The following CABIN1 variants were observed in gnomAD, a reference collection of about 807,000 sequenced individuals.
CABIN1 encodes calcineurin binding protein 1.
Under a neutral mutation model 227.7 loss-of-function variants are expected in CABIN1, and 133 were observed. The observed-to-expected ratio is 0.58, with a 90% confidence interval of 0.51 to 0.67. CABIN1 has a LOEUF of 0.67. Among genes scored for constraint, CABIN1 ranks in the 30% least tolerant of loss-of-function variants. The pLI, the probability that CABIN1 is intolerant of heterozygous loss-of-function variation, is 0.00. For missense variants in CABIN1, 2,408 were observed against 2,852.5 expected, an observed-to-expected ratio of 0.84 and a Z score of 3.55; for synonymous variants, 1,086 against 1,155.1, an observed-to-expected ratio of 0.94 and a Z score of 1.21.
intron 26 of CABIN1, among the ~76,000 whole-genome samples, chr22:24,101,115 C>G (rs1350375975): frequency 4.6e-5 from 7 of 152,130 alleles, no homozygotes; most frequent in Non-Finnish European, 5.9e-5. Context: ...GTTTCCTACC[C>G]CCACAGAACA....
intron 4 of CABIN1, among the ~76,000 whole-genome samples, chr22:24,040,793 A>T (rs937272833): frequency 1.3e-5 from 2 of 152,172 alleles, no homozygotes; most frequent in African/African-American, 2.4e-5. Context: ...TTTGTCTTTT[A>T]TCTTATACCT....
chr22:24,083,232 G>A lies in CABIN1; in HGVS notation c.2753G>A (p.Arg918Gln), dbSNP rs1304519638. 11 of 1,612,230 alleles carry A rather than the reference G, an allele frequency of 6.8e-6. No individual in the cohort carries two copies. In the East Asian group the frequency reaches 8.9e-5, roughly 13 times the overall value. Residue 918 changes from arginine (R) to glutamine (Q), a missense_variant, in exon 20 of 37, where the codon CGA (arginine) becomes CAA (glutamine). Arg to Gln is a conservative substitution (Grantham distance 43). Around this residue, in one of 3 missense-constraint regions of CABIN1, gnomAD observed 1,045 missense variants for 1,168.4 expected, o/e 0.89. Transcript: ENST00000263119. ...CATCTCTTCTGCCCACCACAGGTGC[G>A]AGTACTCCAGAAGGAACTGGCTGCA... is the stretch of plus-strand genomic sequence containing the variant. ...SDGALLRFYV[R>Q]VLQKELAAST...
Position 24,166,992 on chromosome 22 carries a change from C to T in CABIN1, c.5361C>T (p.Asp1787=), listed in dbSNP as rs2046486032. ...PPLLPGRPAR[D]RGPESRPTEL... is the part of the protein sequence containing the mutation. Reference sequence around the variant, plus strand: ...TGCTGCCAGGTCGCCCCGCAAGGGACCGGGGCCCCGAGAGCCGGCCCACTG... The same window carrying T: ...TGCTGCCAGGTCGCCCCGCAAGGGATCGGGGCCCCGAGAGCCGGCCCACTG... The change falls in exon 32 of 37, where the codon GAC becomes GAT. Residue 1787 remains aspartate (D), a synonymous_variant. Coordinates refer to ENST00000263119, the MANE Select transcript of CABIN1 (RefSeq NM_012295.4). 4.1e-5 allele frequency: 64 copies of T among 1,571,080 alleles called. No homozygotes were observed. Among genetic ancestry groups the T allele is most frequent in the Non-Finnish European group, 5.3e-5 (61 of 1,159,028 alleles).
intron 1 of CABIN1, among the ~76,000 whole-genome samples, chr22:24,023,809 C>T (rs1439507237): frequency 1.3e-5 from 2 of 151,642 alleles, no homozygotes; most frequent in African/African-American, 4.8e-5. Context: ...TTTTGGCTCA[C>T]TGCAAACTCT....
At chr22:24,164,283 T>TGG in intron 29 of CABIN1, 117 bp from the exon 30 acceptor site, 1 of 1,295,750 alleles carries the variant, frequency 7.7e-7, no homozygotes, top group Admixed American at 1.7e-5. Context: ...AAGAAGCCCC[T>TGG]GGCTGGGCAG....
intron 1 of CABIN1, among the ~76,000 whole-genome samples, chr22:24,025,689 G>GT (rs1204377424): frequency 6.6e-6 from 1 of 152,162 alleles, no homozygotes; most frequent in Non-Finnish European, 1.5e-5. Context: ...GTTTTGCTTT[G>GT]TTTGAGACAG....
intron 33 of CABIN1, among the ~76,000 whole-genome samples, chr22:24,169,830 G>A (rs1569318102): frequency 6.6e-6 from 1 of 152,250 alleles, no homozygotes; most frequent in Non-Finnish European, 1.5e-5. Context: ...ACTGTAGCGT[G>A]AGAAGAAAGG....
chr22:24,119,790 C>G, intron 28 of CABIN1, 92 bp downstream of exon 28: 1 of 1,219,332 alleles, frequency 8.2e-7, no homozygotes. Context: ...CAGATTGGAG[C>G]TTCACGGTAG....
chr22:24,061,712 C>G (rs563364331), intron 12 of CABIN1, among the ~76,000 whole-genome samples: 2 of 152,370 alleles, frequency 1.3e-5, no homozygotes, highest in Admixed American at 1.3e-4. Flanking sequence ...AGGACAAGAA[C>G]TCTGAAGACC....
intron 26 of CABIN1, among the ~76,000 whole-genome samples, chr22:24,105,481 A>G (rs951692928): frequency 6.6e-6 from 1 of 152,222 alleles, no homozygotes; most frequent in Non-Finnish European, 1.5e-5. Context: ...AAAAAGAGCA[A>G]GGCCAACCTA....
At chr22:24,082,984 C>T (rs1159120491) in intron 19 of CABIN1, among the ~76,000 whole-genome samples, 1 of 152,188 alleles carries the variant, frequency 6.6e-6, no homozygotes, top group African/African-American at 2.4e-5. Flanking sequence ...AGAAAGGCAG[C>T]TTGGTAAACC....
At chr22:24,045,188 TGCTG>T (rs2037762257) in intron 6 of CABIN1, among the ~76,000 whole-genome samples, 1 of 152,262 alleles carries the variant, frequency 6.6e-6, no homozygotes, top group Non-Finnish European at 1.5e-5. Flanking sequence ...CCTCCCAAAG[TGCTG>T]GGCTTATAGG....
chr22:24,134,446 C>T (rs768109672), intron 29 of CABIN1, 31 bp downstream of exon 29: 2 of 1,559,196 alleles, frequency 1.3e-6, no homozygotes, highest in Non-Finnish European at 1.8e-6. Context: ...ATTTCCAAGG[C>T]TGTTTGTTGC....
chr22:24,129,769 G>C (rs983898538), intron 28 of CABIN1, among the ~76,000 whole-genome samples: 2 of 152,184 alleles, frequency 1.3e-5, no homozygotes, highest in African/African-American at 4.8e-5. Context: ...GCATCAGGGG[G>C]AAAGGTGAGG....
At chr22:24,126,747 C>T (rs2043749059) in intron 28 of CABIN1, among the ~76,000 whole-genome samples, 1 of 152,138 alleles carries the variant, frequency 6.6e-6, no homozygotes, top group Non-Finnish European at 1.5e-5. Flanking sequence ...GCCTGTAATC[C>T]CAGCTCTTTG....
intron 13 of CABIN1, among the ~76,000 whole-genome samples, chr22:24,062,346 A>AT (rs35757164): frequency 0.017 from 1,621 of 96,534 alleles, 174 homozygotes; most frequent in African/African-American, 0.042. Flanking sequence ...GGTGATACGG[A>AT]TTTTTTTTTT....
chr22:24,095,790 G>A, intron 24 of CABIN1, 141 bp from the exon 25 acceptor site: 1 of 878,440 alleles, frequency 1.1e-6, no homozygotes, highest in South Asian at 1.3e-5. Flanking sequence ...AGGATGGTTG[G>A]TTTAAAAGCT....
intron 34 of CABIN1, among the ~76,000 whole-genome samples, chr22:24,175,345 A>G (rs1480554318): frequency 6.6e-6 from 1 of 152,208 alleles, no homozygotes; most frequent in Non-Finnish European, 1.5e-5. Context: ...CTGCTGACCA[A>G]GGAGGGGAGC....
intron 6 of CABIN1, among the ~76,000 whole-genome samples, chr22:24,043,303 T>G (rs1180449966): frequency 2.0e-5 from 3 of 151,084 alleles, no homozygotes; most frequent in African/African-American, 7.3e-5. Flanking sequence ...TCTGAATGAT[T>G]TTACTTTTTT....
Sources: allele counts gnomAD v4.1 joint callset (sites outside exome capture counted in the v4.1 genomes callset), GRCh38; gene constraint gnomAD v4.1.1; regional missense constraint gnomAD v4.1.1; transcripts MANE v1.5; gene names NCBI Gene and HGNC (gene_info 2026-07-23, HGNC 2026-07-21).